The following MYOM1 variants were observed in gnomAD, a reference collection of about 807,000 sequenced individuals.
MYOM1 encodes the protein myomesin-1.
Under a neutral mutation model 205.3 loss-of-function variants are expected in MYOM1, and 164 were observed. That is an observed-to-expected ratio of 0.80 (90% CI 0.70 to 0.91). The LOEUF is 0.91. MYOM1 is among the 40% of genes least tolerant of loss of function. The pLI, the probability that MYOM1 is intolerant of heterozygous loss-of-function variation, is 0.00. For synonymous variants in MYOM1, 772 were observed against 789.4 expected, an observed-to-expected ratio of 0.98 and a Z score of 0.37; for missense variants, 2,011 against 2,127.3, an observed-to-expected ratio of 0.95 and a Z score of 1.08.
intron 13 of MYOM1, 140 bp from the exon 14 acceptor site, chr18:3,142,203 C>T (rs1375048281): frequency 1.4e-5 from 15 of 1,057,718 alleles, no homozygotes; most frequent in Non-Finnish European, 1.7e-5. Context: ...CTCTAAAATT[C>T]CCCCAAAACA....
intron 25 of MYOM1, 45 bp downstream of exon 25, chr18:3,100,114 C>G: frequency 6.2e-7 from 1 of 1,604,758 alleles, no homozygotes; most frequent in African/African-American, 1.3e-5. Context: ...AAGTTGCTGC[C>G]TAGTAAGACT....
intron 33 of MYOM1, among the ~76,000 whole-genome samples, chr18:3,083,391 T>TTTTA (rs2079107523): frequency 6.6e-6 from 1 of 151,280 alleles, no homozygotes; most frequent in South Asian, 2.1e-4. Context: ...AAGAATTTCT[T>TTTTA]TTTCTTTCTT....
intron 22 of MYOM1, among the ~76,000 whole-genome samples, chr18:3,111,932 C>G (rs2079533046): frequency 6.6e-6 from 1 of 152,296 alleles, no homozygotes; most frequent in East Asian, 1.9e-4. Flanking sequence ...CTGGGCTGTT[C>G]TAGCTTCCCC....
intron 5 of MYOM1, among the ~76,000 whole-genome samples, chr18:3,180,925 C>CT (rs540315378): frequency 0.037 from 5,215 of 142,470 alleles, 288 homozygotes; most frequent in African/African-American, 0.12. Context: ...CCGAGATGAT[C>CT]TTTTTTTTTT....
chr18:3,170,612 G>A (rs765291914), intron 8 of MYOM1, among the ~76,000 whole-genome samples: 4 of 151,200 alleles, frequency 2.6e-5, no homozygotes, highest in East Asian at 4.0e-4. Flanking sequence ...TGCAGCCTGC[G>A]TAATCAACTC....
chr18:3,186,112 C>T (rs1178096801), intron 5 of MYOM1, among the ~76,000 whole-genome samples: 1 of 152,014 alleles, frequency 6.6e-6, no homozygotes, highest in Admixed American at 6.5e-5. Context: ...AGGAGAATTG[C>T]TTGAACCCAG....
intron 13 of MYOM1, among the ~76,000 whole-genome samples, chr18:3,145,695 G>A (rs2080113458): frequency 6.6e-6 from 1 of 151,742 alleles, no homozygotes; most frequent in Non-Finnish European, 1.5e-5. Context: ...TCAAATTAAG[G>A]ACCTCAGCTT....
At chr18:3,224,541 C>T (rs1012239247), upstream of MYOM1, among the ~76,000 whole-genome samples, 5 of 152,184 alleles carry the variant, frequency 3.3e-5, no homozygotes, top group South Asian at 2.1e-4. Context: ...GGATAGGGCC[C>T]GAGCCTTAGT....
intron 10 of MYOM1, 119 bp from the exon 11 acceptor site, chr18:3,155,207 G>T: frequency 9.8e-7 from 1 of 1,018,952 alleles, no homozygotes; most frequent in Non-Finnish European, 1.3e-6. Flanking sequence ...TGGCCCCAAC[G>T]CAGCAAGCAT....
chr18:3,149,264 G>C, intron 12 of MYOM1, 63 bp from the exon 13 acceptor site: 1 of 1,390,146 alleles, frequency 7.2e-7, no homozygotes. Context: ...CAGCTGCACT[G>C]ATGAATTGGG....
chr18:3,182,567 T>G (rs897677007), intron 5 of MYOM1, among the ~76,000 whole-genome samples: 1 of 152,214 alleles, frequency 6.6e-6, no homozygotes, highest in African/African-American at 2.4e-5. Flanking sequence ...CAGAAAGAAC[T>G]AAGGGTGCAC....
intron 22 of MYOM1, among the ~76,000 whole-genome samples, 157 bp from the exon 23 acceptor site, chr18:3,102,787 A>G (rs2079399033): frequency 6.6e-6 from 1 of 152,252 alleles, no homozygotes; most frequent in Admixed American, 6.5e-5. Context: ...GTCCTACTCC[A>G]CAATTCAACT....
At chr18:3,172,720 AG>A (rs1285111364) in intron 8 of MYOM1, among the ~76,000 whole-genome samples, 2 of 152,128 alleles carry the variant, frequency 1.3e-5, no homozygotes, top group African/African-American at 4.8e-5. Flanking sequence ...ATGTTGCACC[AG>A]GCTGGTCTCG....
At chr18:3,162,202 G>A (rs1033706693) in intron 10 of MYOM1, among the ~76,000 whole-genome samples, 1 of 152,124 alleles carries the variant, frequency 6.6e-6, no homozygotes, top group African/African-American at 2.4e-5. Flanking sequence ...CCTGAGGCGA[G>A]CCAATTCTTA....
chr18:3,205,758 T>C (rs1405321130), intron 2 of MYOM1, among the ~76,000 whole-genome samples: 1 of 152,192 alleles, frequency 6.6e-6, no homozygotes, highest in Non-Finnish European at 1.5e-5. Flanking sequence ...ACAATCTCCT[T>C]GTTCAATCGT....
intron 10 of MYOM1, among the ~76,000 whole-genome samples, chr18:3,163,440 C>T (rs1041458233): frequency 2.0e-5 from 3 of 151,024 alleles, no homozygotes; most frequent in Non-Finnish European, 4.4e-5. Context: ...ACCTTTTACA[C>T]TAGGTCTACT....
intron 25 of MYOM1, among the ~76,000 whole-genome samples, chr18:3,099,011 T>C (rs1391733335): frequency 2.0e-5 from 3 of 152,156 alleles, no homozygotes; most frequent in African/African-American, 7.2e-5. Flanking sequence ...TGGAGTGCAG[T>C]AGCGTGATCA....
At chr18:3,186,344 A>G (rs2144135695) in intron 5 of MYOM1, among the ~76,000 whole-genome samples, 1 of 152,360 alleles carries the variant, frequency 6.6e-6, no homozygotes, top group East Asian at 1.9e-4. Flanking sequence ...TGACAGTGAC[A>G]TTCATGTAGT....
In MYOM1 at chr18:3,071,826, A is replaced by G. The variant is rs1439516953; in HGVS notation, c.4764+8T>C. 1 of 1,597,078 alleles carries G rather than the reference A, an allele frequency of 6.3e-7. No individual in the cohort carries two copies. The highest frequency in any genetic ancestry group is 1.1e-5 in the South Asian group (1 of 87,746). On this transcript the variant is annotated splice_region_variant and intron_variant, in intron 37 of 37. Transcript: ENST00000356443. ...GAAGGAGCAGGCACAGGCAGGCTTCATGCTTACCTTCCCCTCCTGGATGGT... is the reference window on the plus strand; with the variant it reads ...GAAGGAGCAGGCACAGGCAGGCTTCGTGCTTACCTTCCCCTCCTGGATGGT...
Sources: gnomAD v4.1 joint callset for allele counts (sites outside exome capture counted in the v4.1 genomes callset) on GRCh38, gnomAD v4.1.1 for gene constraint, MANE v1.5 for transcripts, NCBI Gene and HGNC (gene_info 2026-07-23, HGNC 2026-07-21) for gene names.